KLB: variants seen among roughly 807,000 people sequenced by gnomAD.
The protein encoded by KLB is klotho beta, also known as beta-klotho.
KLB carries 44 observed loss-of-function variants against 88.4 expected under a neutral mutation model. That is an observed-to-expected ratio of 0.50 (90% CI 0.39 to 0.64). The LOEUF (loss-of-function observed/expected upper bound fraction) is 0.64, where lower values mean the gene tolerates loss of function less well. Among genes scored for constraint, KLB ranks in the 30% least tolerant of loss-of-function variants. The probability of loss-of-function intolerance (pLI) is 0.00; values close to 1 mark genes in which losing one functional copy is unlikely to be tolerated. For synonymous variants in KLB, 548 were observed against 513.4 expected (o/e 1.07, Z -0.91); for missense variants, 1,137 against 1,304.8 (o/e 0.87, Z 1.98).
chr4:39,409,527 G>A (rs1444979683), intron 1 of KLB, among the ~76,000 whole-genome samples: 1 of 151,044 alleles, frequency 6.6e-6, no homozygotes, highest in Non-Finnish European at 1.5e-5. Flanking sequence ...CTGACCTCAT[G>A]ATCCACCTGC....
intron 1 of KLB, among the ~76,000 whole-genome samples, chr4:39,426,759 C>T (rs1168510002): frequency 6.6e-6 from 1 of 151,718 alleles, no homozygotes; most frequent in Non-Finnish European, 1.5e-5. Context: ...ATGATCATAG[C>T]TCATTGCAGC....
chr4:39,417,602 CT>C (rs200261971), intron 1 of KLB, among the ~76,000 whole-genome samples: 1 of 151,770 alleles, frequency 6.6e-6, no homozygotes, highest in Admixed American at 6.6e-5. Context: ...GCCCAAAATG[CT>C]TTTTTAAAAA....
At chr4:39,434,112 C>A (rs56155484) in intron 1 of KLB, 98 bp from the exon 2 acceptor site, 97,852 of 1,142,332 alleles carry the variant, frequency 0.086, 4,692 homozygotes, top group Non-Finnish European at 0.097. Flanking sequence ...AATCACTGTA[C>A]GCTGCATTAA....
chr4:39,409,740 A>C (rs1742800132), intron 1 of KLB, among the ~76,000 whole-genome samples: 1 of 151,648 alleles, frequency 6.6e-6, no homozygotes, highest in Admixed American at 6.6e-5. Context: ...AGCCTCGCCA[A>C]CATAGTGAAA....
intron 1 of KLB, among the ~76,000 whole-genome samples, chr4:39,426,120 C>T (rs1264004568): frequency 1.3e-5 from 2 of 151,906 alleles, no homozygotes; most frequent in African/African-American, 4.8e-5. Flanking sequence ...GGCGTGGTGT[C>T]GGGCACCTGT....
At position 39,448,481 on chromosome 4, in the gene KLB, G is replaced by C. The variant is rs754919366; in HGVS notation, c.2930G>C (p.Ser977Thr). 17 of 1,614,128 alleles carry C rather than the reference G, an allele frequency of 1.1e-5. No individual in the cohort carries two copies. Among genetic ancestry groups the C allele is most frequent in the Non-Finnish European group, 1.4e-5 (16 of 1,179,968 alleles). The change falls in exon 5 of 5, where the codon AGT becomes ACT. Residue 977 changes from serine (S) to threonine (T), a missense_variant. This residue lies in a region of KLB where 426 missense variants were observed against 404.6 expected (regional missense o/e 1.05). Transcript: ENST00000257408. Reference protein sequence around the residue: ...FPFENSSSRCSQTQENTECTV... With the variant: ...FPFENSSSRCTQTQENTECTV... Reference sequence around the variant, plus strand: ...TTTGAGAACAGTAGTTCTAGATGCAGTCAGACCCAAGAAAATACAGAGTGC... The same window carrying C: ...TTTGAGAACAGTAGTTCTAGATGCACTCAGACCCAAGAAAATACAGAGTGC...
intron 3 of KLB, among the ~76,000 whole-genome samples, chr4:39,445,493 A>ACTTTT (rs1267813702): frequency 7.2e-6 from 1 of 138,350 alleles, no homozygotes; most frequent in Non-Finnish European, 1.6e-5. Flanking sequence ...TATCACTTGA[A>ACTTTT]CTTTTCTTTT....
At chr4:39,439,277 G>C (rs1262435438) in intron 3 of KLB, among the ~76,000 whole-genome samples, 3 of 152,000 alleles carry the variant, frequency 2.0e-5, no homozygotes, top group Admixed American at 2.0e-4. Context: ...GGGGTTGCAG[G>C]TGCAAGCCAC....
rs754549711 is a variant in KLB, at chr4:39,407,327, T to A, written c.378T>A (p.Gly126=). ...THLKNVSSTN[G]SSDSYIFLEK... is the part of the protein sequence containing the mutation. ...TTAAAAATGTCAGCAGCACGAATGG[T>A]TCCAGTGACAGTTATATTTTTCTGG... Residue 126 remains glycine, a synonymous_variant, in exon 1 of 5, where the codon GGT becomes GGA. Coordinates refer to ENST00000257408, the MANE Select transcript of KLB (RefSeq NM_175737.4). 3 of 1,614,194 alleles carry A rather than the reference T, an allele frequency of 1.9e-6. No individual in the cohort carries two copies. Among genetic ancestry groups the A allele is most frequent in the Non-Finnish European group, 2.5e-6 (3 of 1,180,022 alleles).
intron 1 of KLB, among the ~76,000 whole-genome samples, chr4:39,421,468 G>T (rs181865283): frequency 3.3e-5 from 5 of 152,264 alleles, no homozygotes; most frequent in African/African-American, 1.2e-4. Flanking sequence ...CTATGACTCC[G>T]ACCAGGCACA....
In KLB at chr4:39,447,433, C is replaced by T. The variant is rs777694140; in HGVS notation, c.2707C>T (p.Arg903Trp). 8 of 1,609,008 alleles carry T rather than the reference C, an allele frequency of 5.0e-6. No individual in the cohort carries two copies. The African/African-American group carries it at 8.0e-5, about 16-fold the overall frequency. The change falls in exon 4 of 5, where the codon CGG becomes TGG. Residue 903 changes from arginine to tryptophan, a missense_variant. Around this residue, in one of 4 missense-constraint regions of KLB, gnomAD observed 426 missense variants for 404.6 expected, o/e 1.05. Coordinates refer to ENST00000257408, the MANE Select transcript of KLB (RefSeq NM_175737.4). ...CCAGGCTCTGGAGGATGACCGGCTC[C>T]GGAAGTACTACCTAGGGAAGTACCT... ...DDQALEDDRL[R>W]KYYLGKYLQE...
At chr4:39,413,430 C>T (rs528257598) in intron 1 of KLB, among the ~76,000 whole-genome samples, 8 of 152,094 alleles carry the variant, frequency 5.3e-5, no homozygotes, top group Non-Finnish European at 7.4e-5. Context: ...ATTGCCAAAG[C>T]GGGGCAGAGT....
chr4:39,420,857 A>G (rs1743066988), intron 1 of KLB, among the ~76,000 whole-genome samples: 1 of 148,296 alleles, frequency 6.7e-6, no homozygotes, highest in South Asian at 2.3e-4. Flanking sequence ...TGTATTGCAA[A>G]ACATTCAAAC....
At chr4:39,434,157 T>C in intron 1 of KLB, 53 bp from the exon 2 acceptor site, 2 of 1,503,534 alleles carry the variant, frequency 1.3e-6, no homozygotes, top group Non-Finnish European at 1.8e-6. Flanking sequence ...CCAGCCATGT[T>C]ACAGCCCTTG....
chr4:39,420,355 G>A (rs1270445671), intron 1 of KLB, among the ~76,000 whole-genome samples: 2 of 152,080 alleles, frequency 1.3e-5, no homozygotes, highest in East Asian at 3.8e-4. Flanking sequence ...GAACATCAAC[G>A]TATTATTATA....
At position 39,425,842 on chromosome 4, in the gene KLB, G is replaced by A. The variant is rs116553852; in HGVS notation, c.826-8368G>A. The stretch of plus-strand genomic sequence containing the variant: ...TATAGAAAACATGAATTTGGGCCAG[G>A]CGCAGTGGCTCATGCCTGTAATGTC... On this transcript the variant is annotated intron_variant, in intron 1 of 4. Transcript: ENST00000257408. Among the ~76,000 whole-genome samples, 629 of 152,240 alleles carry A rather than the reference G, an allele frequency of 4.1e-3. 4 individuals carry two copies. The highest frequency in any genetic ancestry group is 0.014 in the African/African-American group (592 of 41,552).
chr4:39,428,806 C>T (rs1263606647), intron 1 of KLB, among the ~76,000 whole-genome samples: 1 of 152,186 alleles, frequency 6.6e-6, no homozygotes, highest in Non-Finnish European at 1.5e-5. Context: ...TCCCAGGGTT[C>T]AAGCCATTCT....
chr4:39,424,536 T>G (rs775502662), intron 1 of KLB, among the ~76,000 whole-genome samples: 1 of 151,818 alleles, frequency 6.6e-6, no homozygotes, highest in Admixed American at 6.5e-5. Flanking sequence ...TAAAGCTTCA[T>G]TAGGCTCACA....
At chr4:39,441,399 C>T (rs1743593351) in intron 3 of KLB, among the ~76,000 whole-genome samples, 1 of 152,044 alleles carries the variant, frequency 6.6e-6, no homozygotes, top group African/African-American at 2.4e-5. Context: ...TTCAAAATTC[C>T]AGACCTAGCA....
Sources: allele counts gnomAD v4.1 joint callset (sites outside exome capture counted in the v4.1 genomes callset), GRCh38; gene constraint gnomAD v4.1.1; regional missense constraint gnomAD v4.1.1; transcripts MANE v1.5; gene names NCBI Gene and HGNC (gene_info 2026-07-23, HGNC 2026-07-21).